The following RSPH14 variants were observed in gnomAD, a reference collection of about 807,000 sequenced individuals.
The protein encoded by RSPH14 is rhabdoid tumor deletion region gene 1.
A neutral mutation model predicts 26.7 loss-of-function variants in RSPH14; 20 were observed. The ratio of observed to expected loss-of-function variants is 0.75; its 90% CI spans 0.53 to 1.09. RSPH14 has a LOEUF of 1.09. Ranked by LOEUF, RSPH14 falls within the 50% of genes least tolerant of loss-of-function variation. The pLI is 0.00. For synonymous variants in RSPH14, 177 were observed against 189.3 expected, an observed-to-expected ratio of 0.93 and a Z score of 0.53; for missense variants, 449 against 457.2, an observed-to-expected ratio of 0.98 and a Z score of 0.16.
chr22:23,095,507 G>A (rs1331581582), intron 4 of RSPH14: 1 of 638,030 alleles, frequency 1.6e-6, no homozygotes, highest in Non-Finnish European at 2.7e-6. Context: ...CCGCTGCACA[G>A]AGCGCCATGC....
At chr22:23,157,334 T>C in the RSPH14 span, among the ~76,000 whole-genome samples, 1 of 151,702 alleles carries the variant, frequency 6.6e-6, no homozygotes, top group East Asian at 1.9e-4. Flanking sequence ...CACTGCAAGC[T>C]CCGCCTCCCG....
At chr22:23,152,892 G>C in the RSPH14 span, 41 of 671,006 alleles carry the variant, frequency 6.1e-5, no homozygotes, top group Middle Eastern at 7.4e-4. Context: ...TGGCTGCCCT[G>C]CCCACCCATG....
chr22:23,083,569 G>T (rs1412284395), intron 4 of RSPH14, among the ~76,000 whole-genome samples: 3 of 152,152 alleles, frequency 2.0e-5, no homozygotes, highest in South Asian at 2.1e-4. Context: ...GCTGGTGCTT[G>T]GGGGAGGGAG....
At chr22:23,145,348 A>T (rs1279755037), upstream of RSPH14, 1 of 1,584,682 alleles carries the variant, frequency 6.3e-7, no homozygotes, top group Non-Finnish European at 8.5e-7. Flanking sequence ...CCCAGACTCC[A>T]GGCAGGTTCT....
chr22:23,146,760 C>T, upstream of RSPH14: 1 of 1,561,496 alleles, frequency 6.4e-7, no homozygotes. Context: ...ACACTCATGC[C>T]TAGAAGTAAA....
rs1393201421 is a variant in RSPH14 at position 23,071,005 on chromosome 22, A to T, written c.422-6872T>A. On this transcript the variant is annotated intron_variant, in intron 4 of 6. Coordinates refer to ENST00000216036, the MANE Select transcript of RSPH14 (RefSeq NM_014433.3). The surrounding 1 kb of genome is among the most constrained non-coding windows in gnomAD (Gnocchi z 4.1). ...GATCAGGGAGGGGCGGCCGGAGCCG[A>T]TGCAGGGCCTTGCCTGAAACCGAGG... 6.6e-6 allele frequency among the ~76,000 whole-genome samples: 1 copy of T among 152,106 alleles called. No homozygotes were observed. The highest frequency in any genetic ancestry group is 1.5e-5 in the Non-Finnish European group (1 of 67,986).
At chr22:23,108,643 G>A (rs953229049) in intron 4 of RSPH14, among the ~76,000 whole-genome samples, 1 of 152,268 alleles carries the variant, frequency 6.6e-6, no homozygotes, top group Non-Finnish European at 1.5e-5. Context: ...CCCTCATGGG[G>A]CAGAACTCAG....
chr22:23,071,148 G>A lies in RSPH14; in HGVS notation c.422-7015C>T, dbSNP rs534213619. On this transcript the variant is annotated intron_variant, in intron 4 of 6. Coordinates refer to ENST00000216036, the MANE Select transcript of RSPH14 (RefSeq NM_014433.3). This position sits in a 1 kb window ranked among gnomAD's most constrained non-coding sequence, Gnocchi z 4.1. ...CACAGGCATTTAGAGGAAGAGATGA[G>A]TATCGACCTGCTGCGATTGTAATAC... is the stretch of plus-strand genomic sequence containing the variant. Among the ~76,000 whole-genome samples, 2 of 152,316 alleles carry A rather than the reference G, an allele frequency of 1.3e-5. No homozygotes were observed. The highest frequency in any genetic ancestry group is 4.1e-4 in the South Asian group (2 of 4,826).
intron 4 of RSPH14, among the ~76,000 whole-genome samples, chr22:23,119,552 A>G (rs1268189043): frequency 6.6e-6 from 1 of 152,234 alleles, no homozygotes; most frequent in African/African-American, 2.4e-5. Flanking sequence ...ACACTGTCCC[A>G]TGCTGGGCCC....
the RSPH14 span, among the ~76,000 whole-genome samples, chr22:23,173,581 C>T: frequency 2.0e-5 from 3 of 150,944 alleles, no homozygotes; most frequent in South Asian, 6.3e-4. Flanking sequence ...GCTGGGACTA[C>T]AGACACATGC....
chr22:23,073,965 G>T (rs1268086719), intron 4 of RSPH14, among the ~76,000 whole-genome samples: 1 of 152,104 alleles, frequency 6.6e-6, no homozygotes, highest in Non-Finnish European at 1.5e-5. Context: ...ATGCAGAAGT[G>T]CTGGGTGAGT....
chr22:23,145,675 C>A, upstream of RSPH14: 2 of 1,167,346 alleles, frequency 1.7e-6, no homozygotes, highest in Non-Finnish European at 2.4e-6. Context: ...AACTTGAAAG[C>A]GGCCTGCGGC....
chr22:23,130,089 A>AAGAAAG (rs1555939500), intron 4 of RSPH14, among the ~76,000 whole-genome samples: 32 of 19,088 alleles, frequency 1.7e-3, no homozygotes, highest in African/African-American at 3.3e-3. Context: ...GAAAGGAAGA[A>AAGAAAG]AGAAAGAAAG....
chr22:23,060,267 T>G (rs1201919538), intron 6 of RSPH14, among the ~76,000 whole-genome samples: 2 of 152,044 alleles, frequency 1.3e-5, no homozygotes, highest in Non-Finnish European at 2.9e-5. Flanking sequence ...GTCAGGAGAT[T>G]GTGACCATCC....
intron 4 of RSPH14, among the ~76,000 whole-genome samples, chr22:23,064,413 T>C (rs1395981372): frequency 1.3e-5 from 2 of 152,154 alleles, no homozygotes; most frequent in Admixed American, 1.3e-4. Flanking sequence ...GCATCTACCA[T>C]AGCAAGCGCA....
intron 4 of RSPH14, among the ~76,000 whole-genome samples, chr22:23,121,761 G>A (rs986405059): frequency 4.3e-5 from 6 of 140,450 alleles, no homozygotes; most frequent in Non-Finnish European, 9.1e-5. Context: ...TCGCTGCGTC[G>A]CCCAGACTGG....
chr22:23,111,419 T>C (rs1026739707), intron 4 of RSPH14, among the ~76,000 whole-genome samples: 1 of 152,164 alleles, frequency 6.6e-6, no homozygotes, highest in Non-Finnish European at 1.5e-5. Context: ...CTCAAGTGCT[T>C]GGGACAGGGC....
chr22:23,145,470 G>A (rs1418906534), upstream of RSPH14: 1 of 1,609,532 alleles, frequency 6.2e-7, no homozygotes, highest in African/African-American at 1.3e-5. Flanking sequence ...GGTCCCGCGT[G>A]GCTCTCGTTG....
intron 4 of RSPH14, among the ~76,000 whole-genome samples, chr22:23,116,373 C>G (rs759664023): frequency 1.3e-5 from 2 of 152,234 alleles, no homozygotes; most frequent in Non-Finnish European, 2.9e-5. Flanking sequence ...GAGGGGATGA[C>G]GTGGCTACGC....
Sources: gnomAD v4.1 joint callset for allele counts (sites outside exome capture counted in the v4.1 genomes callset) on GRCh38, gnomAD v4.1.1 for gene constraint, Gnocchi (gnomAD v3.1) non-coding constraint, MANE v1.5 for transcripts, NCBI Gene and HGNC (gene_info 2026-07-23, HGNC 2026-07-21) for gene names.